MKRN1: variants seen among roughly 807,000 people sequenced by gnomAD.
The protein encoded by MKRN1 is E3 ubiquitin-protein ligase makorin-1.
A neutral mutation model predicts 55.5 loss-of-function variants in MKRN1; 9 were observed. The ratio of observed to expected loss-of-function variants is 0.16; its 90% CI spans 0.10 to 0.28. MKRN1 has a LOEUF of 0.28. MKRN1 is among the 10% of genes least tolerant of loss of function. The pLI is 1.00. For missense variants in MKRN1, 488 were observed against 626.7 expected (o/e 0.78, Z 2.36); for synonymous variants, 253 against 235.9 (o/e 1.07, Z -0.66).
In MKRN1 at chr7:140,456,812, T is replaced by G; in HGVS notation, c.826A>C (p.Ser276Arg). 2.5e-6 allele frequency: 4 copies of G among 1,614,014 alleles called. No individual in the cohort carries two copies. The highest frequency in any genetic ancestry group is 3.4e-6 in the Non-Finnish European group (4 of 1,179,914). ...CAGATCCCACACACCATGTCCTTGC[T>G]GCGCTGCACGGCAAATGAGAGCTCC... ...DMELSFAVQR[S>R]KDMVCGICME... Residue 276 changes from serine to arginine, a missense_variant, in exon 5 of 8, where the codon AGC becomes CGC. Physicochemically the swap from Ser to Arg is moderately radical, Grantham distance 110 (BLOSUM62 -1). Coordinates refer to ENST00000255977, the MANE Select transcript of MKRN1 (RefSeq NM_013446.4).
rs10243155 is a variant in MKRN1 at position 140,459,921 on chromosome 7, T to C, written c.330A>G (p.Lys110=). 242,714 of 1,611,960 alleles carry C rather than the reference T, an allele frequency of 0.15. 28,630 individuals carry two copies. The highest frequency in any genetic ancestry group is 0.64 in the African/African-American group (48,130 of 74,818). The change falls in exon 3 of 8, where the codon AAA becomes AAG. Residue 110 remains lysine (K), a synonymous_variant. Coordinates refer to ENST00000255977, the MANE Select transcript of MKRN1 (RefSeq NM_013446.4). ...CAGTTGCTTCTTCCTGTTTCAATGG[T>C]TTGCTATGTTCATATCTAAGAAAAA... ...YGDRCRYEHS[K]PLKQEEATAT... is the part of the protein sequence containing the mutation.
chr7:140,468,060 AT>A (rs1038198468), intron 2 of MKRN1, among the ~76,000 whole-genome samples: 1 of 144,198 alleles, frequency 6.9e-6, no homozygotes, highest in African/African-American at 2.6e-5. Flanking sequence ...TTTAACCTTC[AT>A]TTTTTTCATT....
chr7:140,462,906 C>T (rs185290201), intron 2 of MKRN1, among the ~76,000 whole-genome samples: 78 of 152,266 alleles, frequency 5.1e-4, no homozygotes, highest in African/African-American at 1.8e-3. Context: ...GCGGATGTTG[C>T]GGTGAGCCAA....
chr7:140,470,453 C>T (rs1415508359), intron 2 of MKRN1, among the ~76,000 whole-genome samples: 2 of 149,138 alleles, frequency 1.3e-5, no homozygotes, highest in East Asian at 2.0e-4. Context: ...GGTGTGGTGG[C>T]GGGCGCCTGT....
At chr7:140,477,243 CAAT>C (rs1349893371) in intron 1 of MKRN1, among the ~76,000 whole-genome samples, 1 of 152,020 alleles carries the variant, frequency 6.6e-6, no homozygotes, top group African/African-American at 2.4e-5. Context: ...ATCTGCACAA[CAAT>C]AAAAAACTGT....
chr7:140,476,217 A>G (rs1795112623), intron 1 of MKRN1, among the ~76,000 whole-genome samples: 1 of 152,172 alleles, frequency 6.6e-6, no homozygotes, highest in South Asian at 2.1e-4. Flanking sequence ...GAAAATGTTT[A>G]TTTATAATAC....
chr7:140,456,872 G>T lies in MKRN1; in HGVS notation c.772-6C>A, dbSNP rs1481524013. ...TCATGGGCCTCAATGCACGACTAGA[G>T]AAGGTGGAGAGAGAACAAGTGGAAT... is the stretch of plus-strand genomic sequence containing the variant. On this transcript the variant is annotated splice_region_variant and splice_polypyrimidine_tract_variant and intron_variant, in intron 4 of 7. Coordinates refer to ENST00000255977, the MANE Select transcript of MKRN1 (RefSeq NM_013446.4). The T allele has an allele frequency of 1.2e-6, 2 of 1,612,724 alleles. No individual in the cohort carries two copies. The highest frequency in any genetic ancestry group is 8.5e-7 in the Non-Finnish European group (1 of 1,179,234).
chr7:140,476,524 C>CTTTGGTAA (rs2130372231), intron 1 of MKRN1, among the ~76,000 whole-genome samples: 1 of 135,614 alleles, frequency 7.4e-6, no homozygotes, highest in East Asian at 2.1e-4. Context: ...AGTACTTTGT[C>CTTTGGTAA]TTTGGTAATT....
intron 1 of MKRN1, among the ~76,000 whole-genome samples, chr7:140,477,615 C>A (rs1017188241): frequency 2.6e-5 from 4 of 152,112 alleles, no homozygotes. Context: ...AGCCACTGTG[C>A]CCGGCCTAAT....
At chr7:140,458,838 A>G (rs1046092098) in intron 4 of MKRN1, among the ~76,000 whole-genome samples, 169 bp downstream of exon 4, 19 of 152,178 alleles carry the variant, frequency 1.2e-4, no homozygotes, top group African/African-American at 4.3e-4. Flanking sequence ...TTCACTGGAA[A>G]TATGACTTCT....
rs1295551017 is a variant in MKRN1, at chr7:140,453,358, ACTCC to A, written c.*1155_*1158del. The A allele has an allele frequency of 5.2e-5, 8 of 152,410 alleles. No individual in the cohort carries two copies. The highest frequency in any genetic ancestry group is 8.8e-5 in the Non-Finnish European group (6 of 68,012). The allele number at this position is 152,410 out of a possible 1,614,324, so 9.4% of individuals were successfully genotyped here. On this transcript the variant is annotated 3_prime_UTR_variant, in exon 8 of 8. Coordinates refer to ENST00000255977, the MANE Select transcript of MKRN1 (RefSeq NM_013446.4). ...TATGACTTATCACTGCAAACCCATT[ACTCC>A]ACTACAATAAACACCTTAGAACAGA...
rs752833626 is a variant in MKRN1 at position 140,454,528 on chromosome 7, A to T, written c.1438T>A (p.Leu480Met). The T allele has an allele frequency of 6.2e-7, 1 of 1,611,962 alleles. No homozygotes were observed. The highest frequency in any genetic ancestry group is 1.1e-5 in the South Asian group (1 of 90,900). Residue 480 changes from leucine to methionine, a missense_variant, in exon 8 of 8, where the codon TTG becomes ATG. Coordinates refer to ENST00000255977, the MANE Select transcript of MKRN1 (RefSeq NM_013446.4). ...FHDELEDFYDLDL is the reference protein window; with the variant it reads ...FHDELEDFYDMDL Reference sequence around the variant, plus strand: ...GCCACGCAAGGTTGCTATAGATCCAAGTCATAAAAATCTTCCAGCTCATCA... The same window carrying T: ...GCCACGCAAGGTTGCTATAGATCCATGTCATAAAAATCTTCCAGCTCATCA...
chr7:140,455,934 C>T (rs760197940), intron 5 of MKRN1, 34 bp from the exon 6 acceptor site: 12 of 1,557,124 alleles, frequency 7.7e-6, no homozygotes, highest in Non-Finnish European at 1.1e-5. Flanking sequence ...AATGCAAATT[C>T]CCCTTTTACA....
intron 1 of MKRN1, chr7:140,478,009 G>A (rs868466436): frequency 6.6e-6 from 1 of 152,126 alleles, no homozygotes; most frequent in South Asian, 2.1e-4. Flanking sequence ...CACCTTAAAT[G>A]TATCATATCA....
At chr7:140,454,791 T>G in intron 7 of MKRN1, 62 bp from the exon 8 acceptor site, 31 of 1,542,640 alleles carry the variant, frequency 2.0e-5, no homozygotes, top group Non-Finnish European at 2.8e-5. Flanking sequence ...ATCCTGTTGT[T>G]TATAAGGCAA....
intron 2 of MKRN1, among the ~76,000 whole-genome samples, chr7:140,466,115 G>T (rs1794758616): frequency 6.6e-6 from 1 of 152,036 alleles, no homozygotes; most frequent in Non-Finnish European, 1.5e-5. Context: ...GAAGTTCCTA[G>T]ATATCATTCT....
At chr7:140,463,061 AC>A (rs946289947) in intron 2 of MKRN1, among the ~76,000 whole-genome samples, 7 of 152,196 alleles carry the variant, frequency 4.6e-5, no homozygotes, top group Non-Finnish European at 8.8e-5. Flanking sequence ...GGAGTTCGAG[AC>A]CAGCCTGGCC....
At chr7:140,478,941 G>T in intron 1 of MKRN1, 1 of 452,350 alleles carries the variant, frequency 2.2e-6, no homozygotes, top group Admixed American at 4.8e-5. Flanking sequence ...AGGCCTCCGC[G>T]GACAGCGCTG....
intron 2 of MKRN1, among the ~76,000 whole-genome samples, chr7:140,466,348 G>C (rs1200176990): frequency 1.3e-5 from 2 of 152,118 alleles, no homozygotes; most frequent in Admixed American, 6.6e-5. Flanking sequence ...CTAGAAAAGA[G>C]GCAGCTACAT....
Sources: gnomAD v4.1 joint callset for allele counts (sites outside exome capture counted in the v4.1 genomes callset) on GRCh38, gnomAD v4.1.1 for gene constraint, MANE v1.5 for transcripts, NCBI Gene and HGNC (gene_info 2026-07-23, HGNC 2026-07-21) for gene names.